The following SCNN1B variants were observed in gnomAD, a reference collection of about 807,000 sequenced individuals.
The protein encoded by SCNN1B is epithelial sodium channel subunit beta.
SCNN1B carries 46 observed loss-of-function variants against 65.3 expected under a neutral mutation model. The observed-to-expected ratio is 0.70, with a 90% confidence interval of 0.56 to 0.90. SCNN1B has a LOEUF of 0.90. SCNN1B is among the 40% of genes least tolerant of loss of function. The pLI, the probability that SCNN1B is intolerant of heterozygous loss-of-function variation, is 0.00. For missense variants in SCNN1B, 751 were observed against 830.5 expected (o/e 0.90, Z 1.18); for synonymous variants, 349 against 330.6 (o/e 1.06, Z -0.60).
chr16:23,320,406 A>G (rs896409392), intron 1 of SCNN1B, among the ~76,000 whole-genome samples: 1 of 152,102 alleles, frequency 6.6e-6, no homozygotes, highest in Non-Finnish European at 1.5e-5. Context: ...ACTCTCCCCA[A>G]GGGTTGGGGG....
chr16:23,312,636 C>G (rs1961369000), intron 1 of SCNN1B, among the ~76,000 whole-genome samples: 1 of 152,166 alleles, frequency 6.6e-6, no homozygotes, highest in Non-Finnish European at 1.5e-5. Flanking sequence ...ACAGCTTTAT[C>G]TGCAGAATTC....
At chr16:23,316,336 C>T (rs894967607) in intron 1 of SCNN1B, among the ~76,000 whole-genome samples, 2 of 151,334 alleles carry the variant, frequency 1.3e-5, no homozygotes, top group African/African-American at 4.8e-5. Flanking sequence ...TCACCATCAC[C>T]ACCATCGCCG....
At position 23,356,404 on chromosome 16, in the gene SCNN1B, C is replaced by T. The variant is rs1596867718; in HGVS notation, c.776+915C>T. 3.9e-5 allele frequency among the ~76,000 whole-genome samples: 6 copies of T among 152,176 alleles called. No individual in the cohort carries two copies. In the East Asian group the frequency reaches 5.8e-4, roughly 15 times the overall value. ...CTTTGGGAGGCTAAGGCAGGAGGAT[C>T]GCTTGAGGCCAGGAGTTCAAGACCA... is the stretch of plus-strand genomic sequence containing the variant. On this transcript the variant is annotated intron_variant, in intron 4 of 12. Coordinates refer to ENST00000343070, the MANE Select transcript of SCNN1B (RefSeq NM_000336.3).
At chr16:23,351,022 C>T (rs1323772201) in intron 2 of SCNN1B, among the ~76,000 whole-genome samples, 1 of 152,220 alleles carries the variant, frequency 6.6e-6, no homozygotes, top group African/African-American at 2.4e-5. Context: ...TTAAGGATCA[C>T]TTGAAGCCAG....
intron 5 of SCNN1B, 96 bp downstream of exon 5, chr16:23,368,055 G>T: frequency 1.0e-6 from 1 of 987,638 alleles, no homozygotes; most frequent in Non-Finnish European, 1.6e-6. Flanking sequence ...GGGTGGGACT[G>T]AGGGGGGACC....
intron 2 of SCNN1B, 127 bp downstream of exon 2, chr16:23,349,037 C>T (rs1962252721): frequency 1.3e-6 from 1 of 758,234 alleles, no homozygotes; most frequent in South Asian, 1.6e-5. Context: ...CTTTATTTCT[C>T]CCCTTTCTTC....
chr16:23,337,965 A>G (rs1346549306), intron 1 of SCNN1B, among the ~76,000 whole-genome samples: 1 of 152,106 alleles, frequency 6.6e-6, no homozygotes, highest in Non-Finnish European at 1.5e-5. Flanking sequence ...CCAGCTACTT[A>G]GGACACTGAG....
At chr16:23,292,382 A>G (rs1167035882) in intron 2 of SCNN1B, among the ~76,000 whole-genome samples, 2 of 151,390 alleles carry the variant, frequency 1.3e-5, no homozygotes, top group Non-Finnish European at 2.9e-5. Context: ...TATTTTTAGT[A>G]GAGACGGGGT....
chr16:23,379,316 TAGC>T (rs1377200990), intron 11 of SCNN1B, among the ~76,000 whole-genome samples: 1 of 152,070 alleles, frequency 6.6e-6, no homozygotes, highest in African/African-American at 2.4e-5. Flanking sequence ...CAGTCCAAGC[TAGC>T]AGGAGTCTAG....
At chr16:23,355,572 G>T in intron 4 of SCNN1B, 83 bp downstream of exon 4, 1 of 1,426,002 alleles carries the variant, frequency 7.0e-7, no homozygotes, top group South Asian at 1.2e-5. Flanking sequence ...CAGCCTGCCA[G>T]GGTTCCAATC....
intron 10 of SCNN1B, among the ~76,000 whole-genome samples, chr16:23,377,618 CT>C (rs2142046155): frequency 9.4e-6 from 1 of 106,102 alleles, no homozygotes; most frequent in African/African-American, 3.8e-5. Flanking sequence ...TTCTTTCTTC[CT>C]TCCTTCATTC....
chr16:23,366,648 C>A (rs1962675972), intron 4 of SCNN1B, among the ~76,000 whole-genome samples: 1 of 152,016 alleles, frequency 6.6e-6, no homozygotes, highest in Non-Finnish European at 1.5e-5. Flanking sequence ...GCAGGAGAAT[C>A]GCTGAGATTC....
intron 2 of SCNN1B, among the ~76,000 whole-genome samples, chr16:23,351,109 A>G (rs1383821836): frequency 1.3e-5 from 2 of 152,094 alleles, no homozygotes; most frequent in African/African-American, 4.8e-5. Flanking sequence ...ATTCTCACAT[A>G]GTGATTACTT....
intron 1 of SCNN1B, among the ~76,000 whole-genome samples, chr16:23,278,755 C>A (rs541565742): frequency 1.6e-3 from 235 of 151,412 alleles, no homozygotes; most frequent in African/African-American, 5.4e-3. Flanking sequence ...ACATAGTGAC[C>A]CCCCCACCCC....
chr16:23,341,897 C>T (rs1200146707), intron 1 of SCNN1B, among the ~76,000 whole-genome samples: 2 of 152,116 alleles, frequency 1.3e-5, no homozygotes, highest in African/African-American at 4.8e-5. Context: ...AGTAGTGCAG[C>T]CATTTTGGAA....
At chr16:23,338,539 A>G (rs1309145089) in intron 1 of SCNN1B, among the ~76,000 whole-genome samples, 1 of 152,236 alleles carries the variant, frequency 6.6e-6, no homozygotes, top group East Asian at 1.9e-4. Context: ...TTTGCTGCGA[A>G]AATAAGTACA....
At position 23,307,338 on chromosome 16, in the gene SCNN1B, G is replaced by A. The variant is rs1961241796; in HGVS notation, c.-9+4901G>A. Reference sequence around the variant, plus strand: ...TTTGGTGGTTGTGGGGTGGTGTGGGGAACGGAGTTTCATTCTTGTCACCCA... The same window carrying A: ...TTTGGTGGTTGTGGGGTGGTGTGGGAAACGGAGTTTCATTCTTGTCACCCA... On this transcript the variant is annotated intron_variant, in intron 1 of 12. Transcript: ENST00000343070. Among the ~76,000 whole-genome samples, 4 of 149,248 alleles carry A rather than the reference G, an allele frequency of 2.7e-5. No individual in the cohort carries two copies. The South Asian group carries it at 8.7e-4, about 32-fold the overall frequency.
intron 4 of SCNN1B, among the ~76,000 whole-genome samples, chr16:23,367,324 G>A (rs1008144785): frequency 6.6e-6 from 1 of 152,040 alleles, no homozygotes; most frequent in African/African-American, 2.4e-5. Flanking sequence ...TAGAGACAGG[G>A]TCTCACTCTG....
At chr16:23,354,094 A>G (rs569338811) in intron 3 of SCNN1B, among the ~76,000 whole-genome samples, 2 of 152,200 alleles carry the variant, frequency 1.3e-5, no homozygotes, top group East Asian at 3.9e-4. Flanking sequence ...GACTTCCACA[A>G]CTGCTTTATC....
Sources: gnomAD v4.1 joint callset for allele counts (sites outside exome capture counted in the v4.1 genomes callset) on GRCh38, gnomAD v4.1.1 for gene constraint, MANE v1.5 for transcripts, NCBI Gene and HGNC (gene_info 2026-07-23, HGNC 2026-07-21) for gene names.